Variants in EPM2A observed in about 807,000 individuals in gnomAD.
EPM2A encodes the protein laforin.
In EPM2A, 21 loss-of-function variants were observed where a neutral mutation model predicts 26.5. The observed-to-expected ratio is 0.79, with a 90% CI of 0.56 to 1.14. The LOEUF (loss-of-function observed/expected upper bound fraction) is 1.14. Among genes scored for constraint, EPM2A ranks in the 50% most tolerant of loss-of-function variants. The probability of loss-of-function intolerance (pLI) is 0.00; values close to 1 mark genes in which losing one functional copy is unlikely to be tolerated. For missense variants in EPM2A, 458 were observed against 440.8 expected, an observed-to-expected ratio of 1.04 and a Z score of -0.35; for synonymous variants, 217 against 177.6, an observed-to-expected ratio of 1.22 and a Z score of -1.76.
intron 4 of EPM2A, among the ~76,000 whole-genome samples, chr6:145,417,688 T>C (rs547704275): frequency 6.6e-5 from 10 of 152,308 alleles, no homozygotes; most frequent in African/African-American, 2.4e-4. Flanking sequence ...GTGACTTTTT[T>C]CTGAATATAG....
intron 2 of EPM2A, among the ~76,000 whole-genome samples, chr6:145,658,480 A>G (rs1184766419): frequency 6.6e-6 from 1 of 152,186 alleles, no homozygotes; most frequent in Non-Finnish European, 1.5e-5. Context: ...AAAAGCAGAA[A>G]TCCCAGTGGA....
intron 1 of EPM2A, among the ~76,000 whole-genome samples, chr6:145,708,326 G>A (rs1200047656): frequency 6.6e-6 from 1 of 152,188 alleles, no homozygotes; most frequent in Non-Finnish European, 1.5e-5. Flanking sequence ...TGGGGAAAAT[G>A]TCTCCAGGGA....
chr6:145,725,136 T>C (rs1208480517), intron 1 of EPM2A, among the ~76,000 whole-genome samples: 1 of 114,536 alleles, frequency 8.7e-6, no homozygotes, highest in East Asian at 3.4e-4. Context: ...AATTTAAAAA[T>C]GAAAAGATCT....
intron 1 of EPM2A, among the ~76,000 whole-genome samples, chr6:145,729,618 T>C (rs1776382918): frequency 9.4e-6 from 1 of 106,198 alleles, no homozygotes; most frequent in African/African-American, 3.1e-5. Context: ...ACTTAGCCAA[T>C]GTCTGTACCC....
At chr6:145,675,597 C>A (rs190396198) in intron 2 of EPM2A, among the ~76,000 whole-genome samples, 103 of 152,162 alleles carry the variant, frequency 6.8e-4, no homozygotes, top group African/African-American at 2.4e-3. Flanking sequence ...GAAGATCTAC[C>A]AAGTAAATGG....
intron 2 of EPM2A, among the ~76,000 whole-genome samples, chr6:145,504,468 T>C (rs1779941280): frequency 7.8e-6 from 1 of 128,492 alleles, no homozygotes; most frequent in South Asian, 3.0e-4. Context: ...AGAAGACATT[T>C]ATGCAGCCAA....
chr6:145,439,915 G>A (rs1779040453), intron 4 of EPM2A, among the ~76,000 whole-genome samples: 1 of 152,108 alleles, frequency 6.6e-6, no homozygotes, highest in South Asian at 2.1e-4. Context: ...AAAATTGTAT[G>A]TCCTACGTTA....
At chr6:145,460,144 C>T (rs79918418) in intron 4 of EPM2A, among the ~76,000 whole-genome samples, 8,809 of 152,162 alleles carry the variant, frequency 0.058, 824 homozygotes, top group African/African-American at 0.19. Flanking sequence ...GGTAAGGACT[C>T]GTTATCACCA....
chr6:145,425,154 C>CTTCCTTCCTTCT (rs1227239174), intron 4 of EPM2A, among the ~76,000 whole-genome samples: 3 of 150,666 alleles, frequency 2.0e-5, no homozygotes, highest in Non-Finnish European at 4.4e-5. Flanking sequence ...TCCTTCCTTC[C>CTTCCTTCCTTCT]TTCCTTTCCT....
At chr6:145,650,317 G>A (rs1037998553) in intron 2 of EPM2A, among the ~76,000 whole-genome samples, 2 of 152,140 alleles carry the variant, frequency 1.3e-5, no homozygotes, top group Non-Finnish European at 2.9e-5. Context: ...TTGGGAGGCC[G>A]AGGTAGGCAG....
At chr6:145,459,769 C>T (rs1179475834) in intron 4 of EPM2A, among the ~76,000 whole-genome samples, 1 of 152,094 alleles carries the variant, frequency 6.6e-6, no homozygotes, top group East Asian at 1.9e-4. Context: ...GCACATATAA[C>T]TTTGCCAACT....
At position 145,626,239 on chromosome 6, in the gene EPM2A, C is replaced by A; in HGVS notation, c.*1177G>T. 2.0e-6 allele frequency: 2 copies of A among 991,574 alleles called. No homozygotes were observed. Among genetic ancestry groups the A allele is most frequent in the Non-Finnish European group, 2.4e-6 (2 of 833,580 alleles). The allele number at this position is 991,574 out of a possible 1,614,324, so 61.4% of individuals were successfully genotyped here. A position where few individuals can be genotyped will look rare whatever the true frequency, so the allele number is the denominator to read the frequency against. ...GCACATTTTTGAAGGCAAAGTTGTTCATCTCTGTATTTCCTGTAGAACCTA... is the reference window on the plus strand; with the variant it reads ...GCACATTTTTGAAGGCAAAGTTGTTAATCTCTGTATTTCCTGTAGAACCTA... On this transcript the variant is annotated 3_prime_UTR_variant, in exon 4 of 4. Coordinates refer to ENST00000367519, the MANE Select transcript of EPM2A (RefSeq NM_005670.4).
At chr6:145,663,675 T>C (rs1432163548) in intron 2 of EPM2A, among the ~76,000 whole-genome samples, 2 of 144,986 alleles carry the variant, frequency 1.4e-5, no homozygotes, top group East Asian at 4.1e-4. Context: ...GCCACAAAGA[T>C]ACTCCTCGAG....
chr6:145,497,814 C>G (rs1319515317), downstream of EPM2A, among the ~76,000 whole-genome samples: 1 of 152,244 alleles, frequency 6.6e-6, no homozygotes, highest in African/African-American at 2.4e-5. Context: ...AGGAACCACT[C>G]TGTCCACACT....
At chr6:145,459,801 G>GA (rs1388352309) in intron 4 of EPM2A, among the ~76,000 whole-genome samples, 4 of 151,954 alleles carry the variant, frequency 2.6e-5, no homozygotes, top group African/African-American at 9.7e-5. Context: ...TATTAATTTA[G>GA]AAAAATAATC....
chr6:145,695,649 T>C (rs534787371), intron 1 of EPM2A, among the ~76,000 whole-genome samples: 40 of 152,148 alleles, frequency 2.6e-4, no homozygotes, highest in African/African-American at 9.1e-4. Context: ...GGTAGCTATA[T>C]TTCTATCAGA....
At chr6:145,580,610 C>T (rs896042734) in intron 2 of EPM2A, among the ~76,000 whole-genome samples, 1 of 152,104 alleles carries the variant, frequency 6.6e-6, no homozygotes, top group Non-Finnish European at 1.5e-5. Context: ...CAGATTATTT[C>T]ATCATCCAGG....
chr6:145,699,045 T>C (rs535589792), intron 1 of EPM2A, among the ~76,000 whole-genome samples: 1 of 152,332 alleles, frequency 6.6e-6, no homozygotes, highest in South Asian at 2.1e-4. Flanking sequence ...TATTTTGTTA[T>C]GGCAGTCCTA....
chr6:145,397,505 G>T (rs1329043967), intron 4 of EPM2A, among the ~76,000 whole-genome samples: 1 of 152,132 alleles, frequency 6.6e-6, no homozygotes, highest in South Asian at 2.1e-4. Flanking sequence ...TTTAGAACAA[G>T]AAATGTTATC....
Sources: gnomAD v4.1 joint callset for allele counts (sites outside exome capture counted in the v4.1 genomes callset) on GRCh38, gnomAD v4.1.1 for gene constraint, MANE v1.5 for transcripts, NCBI Gene and HGNC (gene_info 2026-07-23, HGNC 2026-07-21) for gene names.